The following ZBTB38 variants were observed in gnomAD, a reference collection of about 807,000 sequenced individuals.
ZBTB38 encodes zinc finger and BTB domain containing 38.
In ZBTB38, 20 loss-of-function variants were observed where a neutral mutation model predicts 76.8. The ratio of observed to expected loss-of-function variants is 0.26; its 90% confidence interval spans 0.18 to 0.38. The LOEUF is 0.38. Among genes scored for constraint, ZBTB38 ranks in the 10% least tolerant of loss-of-function variants. The probability of loss-of-function intolerance (pLI) is 1.00; values close to 1 mark genes in which losing one functional copy is unlikely to be tolerated. For missense variants in ZBTB38, 1,082 were observed against 1,482.3 expected (o/e 0.73, Z 4.43); for synonymous variants, 504 against 544.2 (o/e 0.93, Z 1.03).
chr3:141,374,264 C>T (rs1001501977), intron 2 of ZBTB38, among the ~76,000 whole-genome samples: 1 of 152,154 alleles, frequency 6.6e-6, no homozygotes, highest in Admixed American at 6.5e-5. Context: ...AGCATCACTT[C>T]TAACTAGCCA....
intron 1 of ZBTB38, among the ~76,000 whole-genome samples, chr3:141,358,947 T>C (rs1943742097): frequency 6.6e-6 from 1 of 152,120 alleles, no homozygotes; most frequent in Admixed American, 6.5e-5. Flanking sequence ...GGATGGTGGA[T>C]TGGGGCTGGG....
chr3:141,354,220 C>T (rs1431326179), intron 1 of ZBTB38, among the ~76,000 whole-genome samples: 1 of 152,126 alleles, frequency 6.6e-6, no homozygotes, highest in Non-Finnish European at 1.5e-5. Context: ...ACCCTTAACA[C>T]TCAGTATATC....
chr3:141,443,548 A>G lies in ZBTB38; in HGVS notation c.1160A>G (p.Asp387Gly). 2 of 1,614,214 alleles carry G rather than the reference A, an allele frequency of 1.2e-6. No individual in the cohort carries two copies. The highest frequency in any genetic ancestry group is 1.7e-6 in the Non-Finnish European group (2 of 1,180,040). Residue 387 changes from aspartate (D) to glycine (G), a missense_variant, in exon 6 of 6, where the codon GAT becomes GGT. By Grantham distance (94) the Asp-to-Gly change is moderately conservative. Around this residue, in one of 8 missense-constraint regions of ZBTB38, gnomAD observed 324 missense variants for 359.1 expected, o/e 0.90. Transcript: ENST00000321464. This position sits in a 1 kb window ranked among gnomAD's most constrained non-coding sequence, Gnocchi z 5.6. ...CAATTCACCACCCTGAACAGGTTGG[A>G]TCGGCATGAACAGATCTGCATGAGG... ...NKQFTTLNRL[D>G]RHEQICMRSS...
At chr3:141,424,469 A>G (rs577978366) in intron 5 of ZBTB38, among the ~76,000 whole-genome samples, 37 of 152,330 alleles carry the variant, frequency 2.4e-4, no homozygotes, top group Non-Finnish European at 4.9e-4. Context: ...ACAGTGAGCA[A>G]TGATCAAGCT....
chr3:141,349,041 A>G (rs1166529775), intron 1 of ZBTB38, among the ~76,000 whole-genome samples: 1 of 152,172 alleles, frequency 6.6e-6, no homozygotes, highest in African/African-American at 2.4e-5. Flanking sequence ...TGAGAGAGTG[A>G]TGGGGCTGAA....
At chr3:141,414,005 A>G (rs1249645466) in intron 5 of ZBTB38, among the ~76,000 whole-genome samples, 1 of 152,230 alleles carries the variant, frequency 6.6e-6, no homozygotes, top group African/African-American at 2.4e-5. Context: ...GAAAACTTGA[A>G]TACTGACATC....
intron 1 of ZBTB38, among the ~76,000 whole-genome samples, chr3:141,331,105 A>T (rs565489362): frequency 6.6e-6 from 1 of 152,356 alleles, no homozygotes; most frequent in South Asian, 2.1e-4. Context: ...TACTAGCAGC[A>T]TCTCTTTGAA....
intron 5 of ZBTB38, among the ~76,000 whole-genome samples, chr3:141,409,218 G>A (rs1461264686): frequency 6.6e-6 from 1 of 152,070 alleles, no homozygotes; most frequent in African/African-American, 2.4e-5. Flanking sequence ...GCTAATTTTT[G>A]TATTTTTAGT....
intron 5 of ZBTB38, among the ~76,000 whole-genome samples, chr3:141,430,008 T>C (rs2077140528): frequency 6.6e-6 from 1 of 152,224 alleles, no homozygotes; most frequent in African/African-American, 2.4e-5. Context: ...GCTGAAGGGC[T>C]TTGAGCAGGG....
At chr3:141,435,104 C>T (rs936195441) in intron 5 of ZBTB38, among the ~76,000 whole-genome samples, 3 of 152,058 alleles carry the variant, frequency 2.0e-5, no homozygotes. Context: ...ATGACAGCAC[C>T]ACTGCTGTCC....
At chr3:141,434,730 T>C (rs1250498293) in intron 5 of ZBTB38, among the ~76,000 whole-genome samples, 1 of 152,096 alleles carries the variant, frequency 6.6e-6, no homozygotes. Context: ...TTATAAAATA[T>C]GTTTATCAGA....
intron 3 of ZBTB38, among the ~76,000 whole-genome samples, chr3:141,381,868 AC>A (rs1946245712): frequency 1.3e-5 from 2 of 152,196 alleles, no homozygotes; most frequent in Non-Finnish European, 2.9e-5. Context: ...ACTGGAAGGG[AC>A]CTGAGACAGA....
chr3:141,424,530 A>G (rs967571144), intron 5 of ZBTB38, among the ~76,000 whole-genome samples: 1 of 152,196 alleles, frequency 6.6e-6, no homozygotes, highest in African/African-American at 2.4e-5. Flanking sequence ...TAAAAAAAAT[A>G]AAAATAAAAA....
At chr3:141,379,621 G>A (rs568169752) in intron 2 of ZBTB38, among the ~76,000 whole-genome samples, 5 of 152,334 alleles carry the variant, frequency 3.3e-5, no homozygotes, top group Admixed American at 6.5e-5. Context: ...TTCCGTAGTC[G>A]TTGGTGAATC....
chr3:141,382,070 G>A (rs2149180653), intron 3 of ZBTB38, among the ~76,000 whole-genome samples: 1 of 152,280 alleles, frequency 6.6e-6, no homozygotes, highest in South Asian at 2.1e-4. Flanking sequence ...CTGTTCAGGA[G>A]AAAAATACTA....
chr3:141,350,763 C>T (rs953573636), intron 1 of ZBTB38, among the ~76,000 whole-genome samples: 1 of 152,036 alleles, frequency 6.6e-6, no homozygotes, highest in African/African-American at 2.4e-5. Context: ...AAAATTGTTC[C>T]AATGCCTTCT....
chr3:141,361,281 T>A (rs2148959212), intron 1 of ZBTB38, among the ~76,000 whole-genome samples: 1 of 152,278 alleles, frequency 6.6e-6, no homozygotes, highest in African/African-American at 2.4e-5. Context: ...TTAAACATTC[T>A]TTGTAAGGTA....
intron 1 of ZBTB38, among the ~76,000 whole-genome samples, chr3:141,369,011 A>C (rs1275483797): frequency 6.6e-6 from 1 of 151,700 alleles, no homozygotes; most frequent in Non-Finnish European, 1.5e-5. Flanking sequence ...AAAAAAAAAA[A>C]AACAATACTA....
chr3:141,360,490 A>G (rs184903736), intron 1 of ZBTB38, among the ~76,000 whole-genome samples: 33 of 152,362 alleles, frequency 2.2e-4, no homozygotes, highest in Non-Finnish European at 4.0e-4. Context: ...CTGGGGAGGC[A>G]TGAGGGGATG....
Sources: gnomAD v4.1 joint callset for allele counts (sites outside exome capture counted in the v4.1 genomes callset) on GRCh38, gnomAD v4.1.1 for gene constraint, gnomAD v4.1.1 regional missense constraint, Gnocchi (gnomAD v3.1) non-coding constraint, MANE v1.5 for transcripts, NCBI Gene and HGNC (gene_info 2026-07-23, HGNC 2026-07-21) for gene names.